The following RFC2 variants were observed in gnomAD, a reference collection of about 807,000 sequenced individuals.
RFC2 encodes the protein replication factor C subunit 2.
A neutral mutation model predicts 44.8 loss-of-function variants in RFC2; 34 were observed. The ratio of observed to expected loss-of-function variants is 0.76; its 90% CI spans 0.58 to 1.01. RFC2 has a LOEUF of 1.01. Among genes scored for constraint, RFC2 ranks in the 50% least tolerant of loss-of-function variants. The pLI, the probability that RFC2 is intolerant of heterozygous loss-of-function variation, is 0.00. For synonymous variants in RFC2, 177 were observed against 168.9 expected (o/e 1.05, Z -0.37); for missense variants, 400 against 453.6 (o/e 0.88, Z 1.07).
At chr7:74,232,878 T>G (rs1423450144) in intron 10 of RFC2, among the ~76,000 whole-genome samples, 1 of 148,554 alleles carries the variant, frequency 6.7e-6, no homozygotes, top group Non-Finnish European at 1.5e-5. Context: ...AATAAATAAG[T>G]AAATAAATTC....
chr7:74,242,654 C>A (rs908351396), intron 6 of RFC2, among the ~76,000 whole-genome samples: 54 of 150,322 alleles, frequency 3.6e-4, no homozygotes, highest in African/African-American at 1.2e-3. Context: ...CAGTGGCTCA[C>A]ATCTGTAATT....
chr7:74,234,728 G>A (rs955762441), intron 10 of RFC2, among the ~76,000 whole-genome samples: 1 of 152,022 alleles, frequency 6.6e-6, no homozygotes, highest in Admixed American at 6.6e-5. Flanking sequence ...CTGTTCAAAT[G>A]AGCCTGGCAC....
chr7:74,237,696 G>A (rs1463270830), intron 8 of RFC2, among the ~76,000 whole-genome samples: 1 of 152,162 alleles, frequency 6.6e-6, no homozygotes, highest in African/African-American at 2.4e-5. Context: ...GCCTGTGAAG[G>A]ATGCTCACTT....
intron 9 of RFC2, among the ~76,000 whole-genome samples, chr7:74,236,168 C>T (rs77513913): frequency 1.2e-3 from 177 of 152,338 alleles, no homozygotes; most frequent in African/African-American, 4.1e-3. Context: ...ACTGGGTAAT[C>T]CCAGCCTCCT....
intron 6 of RFC2, among the ~76,000 whole-genome samples, chr7:74,241,119 T>C (rs918707933): frequency 1.3e-5 from 2 of 151,778 alleles, no homozygotes; most frequent in African/African-American, 4.8e-5. Flanking sequence ...TTAGTAGAAA[T>C]GGGGTTTCAC....
chr7:74,247,888 C>T (rs1803713770), intron 4 of RFC2, among the ~76,000 whole-genome samples: 1 of 152,170 alleles, frequency 6.6e-6, no homozygotes, highest in African/African-American at 2.4e-5. Flanking sequence ...CCAAAATTCA[C>T]TTTTGCTCAA....
chr7:74,243,808 A>T (rs1258147108), intron 5 of RFC2, among the ~76,000 whole-genome samples: 2 of 150,930 alleles, frequency 1.3e-5, no homozygotes, highest in African/African-American at 4.9e-5. Context: ...AAAAAATTTT[A>T]AAAAATACAA....
intron 5 of RFC2, among the ~76,000 whole-genome samples, chr7:74,245,074 G>A (rs1554719778): frequency 2.0e-5 from 3 of 150,746 alleles, no homozygotes; most frequent in Admixed American, 1.3e-4. Context: ...TGTTGCCCAG[G>A]TTGCAGTGCA....
Position 74,232,015 on chromosome 7 carries a change from C to T in RFC2, c.*91G>A. ...GTTTAAAGGACAGTCATGTTGGCTC[C>T]AGCCTAAGGCGGCATTTTCCCCCAT... On this transcript the variant is annotated 3_prime_UTR_variant, in exon 11 of 11. Coordinates refer to ENST00000055077, the MANE Select transcript of RFC2 (RefSeq NM_181471.3). 1 of 775,784 alleles carries T rather than the reference C, an allele frequency of 1.3e-6. No individual in the cohort carries two copies. Among genetic ancestry groups the T allele is most frequent in the Admixed American group, 2.1e-5 (1 of 47,450 alleles). The allele number at this position is 775,784 out of a possible 1,614,324, so 48.1% of individuals were successfully genotyped here. A position where few individuals can be genotyped will look rare whatever the true frequency, so the allele number is the denominator to read the frequency against.
intron 7 of RFC2, 43 bp from the exon 8 acceptor site, chr7:74,239,031 A>G (rs781976216): frequency 2.6e-6 from 4 of 1,540,836 alleles, no homozygotes; most frequent in Non-Finnish European, 3.6e-6. Flanking sequence ...TTTTATATTT[A>G]TTTCTTTTTG....
Position 74,240,112 on chromosome 7 carries a change from CA to C in RFC2, c.536-18del. On this transcript the variant is annotated intron_variant, in intron 6 of 10. Transcript: ENST00000055077. ...GAATGGGCTCTGAACAGAGACGGGA[CA>C]GTAGTGAGGCTTCCCTGCAGAGGCC... The C allele has an allele frequency of 6.2e-7, 1 of 1,610,550 alleles. No individual in the cohort carries two copies. Among genetic ancestry groups the C allele is most frequent in the Non-Finnish European group, 8.5e-7 (1 of 1,177,500 alleles).
chr7:74,249,184 T>C (rs1219031632), intron 3 of RFC2, 66 bp from the exon 4 acceptor site: 5 of 1,608,034 alleles, frequency 3.1e-6, no homozygotes, highest in East Asian at 2.2e-5. Context: ...TCTTGAGTTA[T>C]GTTCACTGCT....
At chr7:74,249,861 A>G (rs782819905) in intron 2 of RFC2, 81 bp from the exon 3 acceptor site, 1 of 1,272,888 alleles carries the variant, frequency 7.9e-7, no homozygotes, top group Non-Finnish European at 1.1e-6. Flanking sequence ...AAGAACAAAC[A>G]AGCAGGTTAA....
At chr7:74,250,625 C>T (rs1029159684) in intron 2 of RFC2, among the ~76,000 whole-genome samples, 1 of 152,128 alleles carries the variant, frequency 6.6e-6, no homozygotes, top group Non-Finnish European at 1.5e-5. Flanking sequence ...TCTCCAGCGT[C>T]CTTTACTTCT....
Position 74,252,487 on chromosome 7 carries a change from T to C in RFC2, c.125A>G (p.Tyr42Cys), listed in dbSNP as rs1787026807. The C allele has an allele frequency of 5.6e-6, 9 of 1,601,114 alleles. No homozygotes were observed. The highest frequency in any genetic ancestry group is 1.3e-5 in the African/African-American group (1 of 74,674). The change falls in exon 2 of 11, where the codon TAT becomes TGT. Residue 42 changes from tyrosine (Y) to cysteine (C), a missense_variant. Coordinates refer to ENST00000055077, the MANE Select transcript of RFC2 (RefSeq NM_181471.3). ...GHYELPWVEK[Y>C]RPVKLNEIVG... The stretch of plus-strand genomic sequence containing the variant: ...AATTTCATTCAGCTTTACTGGCCTA[T>C]ATTTTTCAACCCTGTTAAGAAAATG...
chr7:74,253,303 C>T (rs1787079129), intron 1 of RFC2, among the ~76,000 whole-genome samples: 1 of 151,856 alleles, frequency 6.6e-6, no homozygotes, highest in Non-Finnish European at 1.5e-5. Flanking sequence ...TCACTACCAA[C>T]CTCAGGTGAT....
chr7:74,236,043 T>C (rs1802997278), intron 9 of RFC2, among the ~76,000 whole-genome samples: 1 of 152,136 alleles, frequency 6.6e-6, no homozygotes, highest in Non-Finnish European at 1.5e-5. Flanking sequence ...TAAAATGCTT[T>C]ATTAATCTGA....
chr7:74,234,811 GC>G (rs1471657923), intron 10 of RFC2, among the ~76,000 whole-genome samples: 1 of 152,072 alleles, frequency 6.6e-6, no homozygotes, highest in African/African-American at 2.4e-5. Context: ...AGCAGAAGCA[GC>G]CTGAACCCCT....
chr7:74,241,759 A>G, intron 6 of RFC2, among the ~76,000 whole-genome samples: 1 of 152,232 alleles, frequency 6.6e-6, no homozygotes, highest in East Asian at 1.9e-4. Context: ...CAGGCGTTCT[A>G]GACCAGCCTG....
Sources: allele counts gnomAD v4.1 joint callset (sites outside exome capture counted in the v4.1 genomes callset), GRCh38; gene constraint gnomAD v4.1.1; transcripts MANE v1.5; gene names NCBI Gene and HGNC (gene_info 2026-07-23, HGNC 2026-07-21).